The following MOB3B variants were observed in gnomAD, a reference collection of about 807,000 sequenced individuals.
MOB3B encodes the protein MOB kinase activator-like 2B.
Under a neutral mutation model 18.7 loss-of-function variants are expected in MOB3B, and 7 were observed. That is an observed-to-expected ratio of 0.37 (90% CI 0.21 to 0.70). MOB3B has a LOEUF of 0.70. MOB3B is among the 30% of genes least tolerant of loss of function. The probability of loss-of-function intolerance (pLI) is 0.52; values close to 1 mark genes in which losing one functional copy is unlikely to be tolerated. For missense variants in MOB3B, 253 were observed against 281.3 expected, an observed-to-expected ratio of 0.90 and a Z score of 0.72; for synonymous variants, 111 against 99.9, an observed-to-expected ratio of 1.11 and a Z score of -0.66.
intron 2 of MOB3B, among the ~76,000 whole-genome samples, chr9:27,427,382 T>C (rs778290169): frequency 6.6e-6 from 1 of 152,194 alleles, no homozygotes; most frequent in South Asian, 2.1e-4. Context: ...ACAATTCCCA[T>C]GTGGCTAACG....
chr9:27,474,325 T>C (rs374402052), intron 1 of MOB3B, among the ~76,000 whole-genome samples: 2 of 152,218 alleles, frequency 1.3e-5, no homozygotes, highest in African/African-American at 4.8e-5. Flanking sequence ...ACCTCATTAC[T>C]GTATGACCTC....
At chr9:27,462,863 A>G in intron 1 of MOB3B, among the ~76,000 whole-genome samples, 1 of 152,220 alleles carries the variant, frequency 6.6e-6, no homozygotes, top group Non-Finnish European at 1.5e-5. Context: ...TGGAGAACAC[A>G]AAATGGGCAA....
At chr9:27,395,332 T>C (rs910594227) in intron 2 of MOB3B, among the ~76,000 whole-genome samples, 1 of 152,194 alleles carries the variant, frequency 6.6e-6, no homozygotes, top group Non-Finnish European at 1.5e-5. Context: ...ATGATATGAG[T>C]TGATTCGTGT....
intron 2 of MOB3B, among the ~76,000 whole-genome samples, chr9:27,452,935 TA>T (rs1212530554): frequency 1.3e-5 from 2 of 152,212 alleles, no homozygotes; most frequent in African/African-American, 4.8e-5. Context: ...ATAGAAAGCG[TA>T]AATTCAAGAG....
At chr9:27,522,373 TAG>T (rs757814344) in intron 1 of MOB3B, among the ~76,000 whole-genome samples, 2 of 149,182 alleles carry the variant, frequency 1.3e-5, no homozygotes, top group Non-Finnish European at 3.0e-5. Flanking sequence ...TTCTTCCAGT[TAG>T]AGATAGTGAC....
chr9:27,330,488 G>A lies in MOB3B; in HGVS notation c.*99C>T. 1 of 1,520,512 alleles carries A rather than the reference G, an allele frequency of 6.6e-7. No individual in the cohort carries two copies. 94.2% of individuals were successfully genotyped at this position (1,520,512 alleles called of 1,614,324 possible). On this transcript the variant is annotated 3_prime_UTR_variant, in exon 4 of 4. Transcript: ENST00000262244. The stretch of plus-strand genomic sequence containing the variant: ...TTGCCTCCACCTCTGCTGTTCCTGG[G>A]AGTAGGTGTGTCATTTCAGCCAGGG...
chr9:27,529,341 C>G (rs1474297337), intron 1 of MOB3B, among the ~76,000 whole-genome samples: 1 of 152,170 alleles, frequency 6.6e-6, no homozygotes, highest in Non-Finnish European at 1.5e-5. Context: ...CACGAGGAGC[C>G]GGCCAGAAAC....
chr9:27,379,452 T>G (rs1342050430), intron 2 of MOB3B, among the ~76,000 whole-genome samples: 1 of 152,146 alleles, frequency 6.6e-6, no homozygotes, highest in Non-Finnish European at 1.5e-5. Context: ...AGTCATTACC[T>G]CACTGAGTCC....
At chr9:27,512,984 C>A (rs975884605) in intron 1 of MOB3B, among the ~76,000 whole-genome samples, 1 of 152,128 alleles carries the variant, frequency 6.6e-6, no homozygotes, top group African/African-American at 2.4e-5. Flanking sequence ...AAGCCTCAAC[C>A]TCAACCTAAG....
chr9:27,380,387 C>T (rs956777606), intron 2 of MOB3B, among the ~76,000 whole-genome samples: 5 of 151,668 alleles, frequency 3.3e-5, no homozygotes, highest in South Asian at 2.1e-4. Flanking sequence ...TACAGACGCC[C>T]GCCATGACAC....
chr9:27,336,990 C>T (rs1253341651), intron 3 of MOB3B, among the ~76,000 whole-genome samples: 3 of 152,210 alleles, frequency 2.0e-5, no homozygotes, highest in African/African-American at 7.2e-5. Context: ...GCCTCCCTGC[C>T]CATTAATCAG....
intron 1 of MOB3B, among the ~76,000 whole-genome samples, chr9:27,499,391 C>G (rs1164215531): frequency 6.6e-6 from 1 of 152,176 alleles, no homozygotes; most frequent in Non-Finnish European, 1.5e-5. Context: ...ACAGAGTCAT[C>G]ACGTAAACAA....
intron 2 of MOB3B, among the ~76,000 whole-genome samples, chr9:27,372,958 T>A (rs1367500348): frequency 1.3e-5 from 2 of 152,260 alleles, no homozygotes; most frequent in Non-Finnish European, 2.9e-5. Context: ...ATGGGAACTC[T>A]GTACTATCTT....
intron 2 of MOB3B, among the ~76,000 whole-genome samples, 193 bp downstream of exon 2, chr9:27,454,940 C>T (rs1241376340): frequency 2.0e-5 from 3 of 152,052 alleles, no homozygotes; most frequent in African/African-American, 7.2e-5. Flanking sequence ...CACTGGAGTC[C>T]ACAAAATAAA....
intron 2 of MOB3B, among the ~76,000 whole-genome samples, chr9:27,433,337 T>C (rs932774191): frequency 4.6e-5 from 7 of 152,214 alleles, no homozygotes; most frequent in Non-Finnish European, 7.3e-5. Context: ...GTCTGCACCA[T>C]GCTACAGCCA....
At chr9:27,474,583 G>A (rs1375256578) in intron 1 of MOB3B, among the ~76,000 whole-genome samples, 1 of 152,138 alleles carries the variant, frequency 6.6e-6, no homozygotes, top group South Asian at 2.1e-4. Flanking sequence ...TAGAACCTTC[G>A]TATCATTCCT....
At chr9:27,384,237 C>T (rs976486980) in intron 2 of MOB3B, among the ~76,000 whole-genome samples, 3 of 152,098 alleles carry the variant, frequency 2.0e-5, no homozygotes, top group Admixed American at 6.6e-5. Context: ...GCCTCTGGAA[C>T]AAGGACTGGG....
chr9:27,399,210 C>T (rs1445473494), intron 2 of MOB3B, among the ~76,000 whole-genome samples: 1 of 152,116 alleles, frequency 6.6e-6, no homozygotes, highest in African/African-American at 2.4e-5. Flanking sequence ...CTCAAAATAC[C>T]CTCCAGCAAA....
At chr9:27,411,323 AAATT>A (rs1822064120) in intron 2 of MOB3B, among the ~76,000 whole-genome samples, 1 of 152,198 alleles carries the variant, frequency 6.6e-6, no homozygotes, top group African/African-American at 2.4e-5. Flanking sequence ...CGCAAGGTTC[AAATT>A]TCCAAGAAGG....
Sources: gnomAD v4.1 joint callset for allele counts (sites outside exome capture counted in the v4.1 genomes callset) on GRCh38, gnomAD v4.1.1 for gene constraint, MANE v1.5 for transcripts, NCBI Gene and HGNC (gene_info 2026-07-23, HGNC 2026-07-21) for gene names.